Variants in OR2C1 observed in about 807,000 individuals in gnomAD.
OR2C1 encodes the protein olfactory receptor 2C1.
For synonymous variants in OR2C1, 209 were observed against 167.3 expected, an observed-to-expected ratio of 1.25 and a Z score of -1.92; for missense variants, 468 against 388.3, an observed-to-expected ratio of 1.21 and a Z score of -1.73.
chr16:3,337,450 T>C, the OR2C1 span, among the ~76,000 whole-genome samples: 3 of 152,122 alleles, frequency 2.0e-5, no homozygotes, highest in Admixed American at 1.3e-4. Flanking sequence ...ATTACAAGCA[T>C]GGACCACCAC....
At chr16:3,351,400 T>C (rs139671700), upstream of OR2C1, among the ~76,000 whole-genome samples, 2 of 152,010 alleles carry the variant, frequency 1.3e-5, no homozygotes, top group Non-Finnish European at 2.9e-5. Flanking sequence ...CACCTGCTTA[T>C]GAAGCACACA....
the OR2C1 span, among the ~76,000 whole-genome samples, chr16:3,331,182 C>T: frequency 2.0e-5 from 3 of 152,160 alleles, no homozygotes; most frequent in African/African-American, 7.2e-5. Context: ...GCATAAATGT[C>T]TTCTTTTGAG....
chr16:3,356,444 G>C lies in OR2C1; in HGVS notation c.504G>C (p.Leu168Phe). The C allele has an allele frequency of 6.2e-7, 1 of 1,614,010 alleles. No individual in the cohort carries two copies. The highest frequency in any genetic ancestry group is 2.2e-5 in the East Asian group (1 of 44,884). Reference protein sequence around the residue: ...IQSTFTLQLPLCGHRRVEGFL... With the variant: ...IQSTFTLQLPFCGHRRVEGFL... Reference sequence around the variant, plus strand: ...CAACATTCACTCTGCAGCTCCCATTGTGTGGGCACCGGAGGGTGGAGGGAT... The same window carrying C: ...CAACATTCACTCTGCAGCTCCCATTCTGTGGGCACCGGAGGGTGGAGGGAT... The change falls in exon 1 of 1, where the codon TTG becomes TTC. Residue 168 changes from leucine to phenylalanine, a missense_variant. Transcript: ENST00000304936.
the OR2C1 span, among the ~76,000 whole-genome samples, chr16:3,326,314 C>T: frequency 5.9e-5 from 9 of 152,016 alleles, no homozygotes; most frequent in African/African-American, 1.4e-4. Context: ...GTCTTTCTTT[C>T]GGAAGTAAAT....
At chr16:3,327,351 C>T in the OR2C1 span, among the ~76,000 whole-genome samples, 1 of 152,010 alleles carries the variant, frequency 6.6e-6, no homozygotes, top group African/African-American at 2.4e-5. Flanking sequence ...AGAGATAATT[C>T]TTGACAATCT....
chr16:3,352,237 C>T (rs2030583596), upstream of OR2C1, among the ~76,000 whole-genome samples: 1 of 152,090 alleles, frequency 6.6e-6, no homozygotes, highest in Admixed American at 6.5e-5. Flanking sequence ...CTGCCTCAGC[C>T]TCCCGAGTAG....
the OR2C1 span, chr16:3,323,096 T>C: frequency 7.6e-6 from 4 of 524,556 alleles, no homozygotes; most frequent in African/African-American, 5.9e-5. Context: ...AAATAGTCTT[T>C]GAAGATACTT....
At chr16:3,325,478 TA>T in the OR2C1 span, among the ~76,000 whole-genome samples, 2 of 50,714 alleles carry the variant, frequency 3.9e-5, no homozygotes, top group Admixed American at 4.7e-4. Flanking sequence ...TATATATATA[TA>T]TATATATATA....
chr16:3,342,287 A>T, the OR2C1 span, among the ~76,000 whole-genome samples: 308 of 152,282 alleles, frequency 2.0e-3, 1 homozygote, highest in African/African-American at 7.1e-3. Flanking sequence ...ACAAACCAAC[A>T]TTAAGACAGA....
chr16:3,355,828 G>T, upstream of OR2C1: 1 of 720,554 alleles, frequency 1.4e-6, no homozygotes, highest in South Asian at 1.9e-5. Flanking sequence ...GGATCCCAGA[G>T]AACTATTAGA....
chr16:3,343,991 G>A, the OR2C1 span, among the ~76,000 whole-genome samples: 1 of 152,258 alleles, frequency 6.6e-6, no homozygotes, highest in South Asian at 2.1e-4. Context: ...GGCCAATGTG[G>A]GGGGATCACT....
the OR2C1 span, among the ~76,000 whole-genome samples, chr16:3,335,724 A>G: frequency 6.6e-6 from 1 of 151,946 alleles, no homozygotes; most frequent in Admixed American, 6.6e-5. Flanking sequence ...ACTAGGTTGC[A>G]TCATGTTGGC....
chr16:3,350,247 G>T, the OR2C1 span, among the ~76,000 whole-genome samples: 1 of 150,882 alleles, frequency 6.6e-6, no homozygotes, highest in Non-Finnish European at 1.5e-5. Context: ...GTAGAGAGGG[G>T]GTTTCCCATG....
the OR2C1 span, among the ~76,000 whole-genome samples, chr16:3,333,210 C>CTTTTTTTTTT: frequency 8.2e-4 from 27 of 33,048 alleles, 8 homozygotes; most frequent in South Asian, 3.8e-3. Context: ...ATCTTTTGCC[C>CTTTTTTTTTT]ATTTTTTTTT....
chr16:3,355,124 T>C (rs1273643420), upstream of OR2C1, among the ~76,000 whole-genome samples: 1 of 152,066 alleles, frequency 6.6e-6, no homozygotes, highest in African/African-American at 2.4e-5. Flanking sequence ...GAATCAACTT[T>C]TCCATTCGGT....
At chr16:3,352,927 A>G (rs1193948556), upstream of OR2C1, among the ~76,000 whole-genome samples, 2 of 151,160 alleles carry the variant, frequency 1.3e-5, no homozygotes, top group Non-Finnish European at 2.9e-5. Flanking sequence ...TATTTTTAGT[A>G]GAGACATGTT....
At position 3,356,392 on chromosome 16, in the gene OR2C1, G is replaced by A. The variant is rs776301114; in HGVS notation, c.452G>A (p.Gly151Asp). 1.2e-6 allele frequency: 2 copies of A among 1,613,732 alleles called. No individual in the cohort carries two copies. The highest frequency in any genetic ancestry group is 2.2e-5 in the East Asian group (1 of 44,882). Residue 151 changes from glycine to aspartate, a missense_variant, in exon 1 of 1, where the codon GGT (glycine) becomes GAT (aspartate). Gly to Asp is a moderately conservative substitution (Grantham distance 94). Transcript: ENST00000304936. ...CWLLAVIACL[G>D]GLGNSVIQST... ...CTGCTGGCTGTGATTGCCTGCCTGG[G>A]TGGCTTGGGCAACTCTGTGATCCAG...
chr16:3,336,183 T>C, the OR2C1 span, among the ~76,000 whole-genome samples: 1 of 152,180 alleles, frequency 6.6e-6, no homozygotes, highest in Non-Finnish European at 1.5e-5. Context: ...GATAATATGG[T>C]TTTTATTCTT....
chr16:3,333,403 T>G, the OR2C1 span, among the ~76,000 whole-genome samples: 1 of 152,008 alleles, frequency 6.6e-6, no homozygotes, highest in African/African-American at 2.4e-5. Flanking sequence ...TGGCACGATC[T>G]CGGCTCACTG....
Sources: allele counts gnomAD v4.1 joint callset (sites outside exome capture counted in the v4.1 genomes callset), GRCh38; gene constraint gnomAD v4.1.1; transcripts MANE v1.5; gene names NCBI Gene and HGNC (gene_info 2026-07-23, HGNC 2026-07-21).